The following TIAM1 variants were observed in gnomAD, a reference collection of about 807,000 sequenced individuals.
The protein encoded by TIAM1 is rho guanine nucleotide exchange factor TIAM1.
A neutral mutation model predicts 163.5 loss-of-function variants in TIAM1; 65 were observed. That is an observed-to-expected ratio of 0.40 (90% CI 0.33 to 0.49). The LOEUF (loss-of-function observed/expected upper bound fraction) is 0.49. Ranked by LOEUF, TIAM1 falls within the 20% of genes least tolerant of loss-of-function variation. TIAM1 has a pLI of 0.77. For missense variants in TIAM1, 1,789 were observed against 2,044.7 expected, an observed-to-expected ratio of 0.87 and a Z score of 2.41; for synonymous variants, 833 against 810.1, an observed-to-expected ratio of 1.03 and a Z score of -0.48.
chr21:31,219,753 A>ACG (rs199947012), intron 8 of TIAM1, among the ~76,000 whole-genome samples: 1 of 152,002 alleles, frequency 6.6e-6, no homozygotes, highest in African/African-American at 2.4e-5. Flanking sequence ...ACAAAACAAA[A>ACG]AAAAACCCCA....
At chr21:31,199,922 A>G (rs992498225) in intron 12 of TIAM1, among the ~76,000 whole-genome samples, 1 of 150,378 alleles carries the variant, frequency 6.6e-6, no homozygotes, top group Non-Finnish European at 1.5e-5. Flanking sequence ...AAAAAAAAAA[A>G]AAACACACAA....
At chr21:31,224,016 G>C (rs1172883254) in intron 7 of TIAM1, among the ~76,000 whole-genome samples, 1 of 152,208 alleles carries the variant, frequency 6.6e-6, no homozygotes, top group African/African-American at 2.4e-5. Context: ...TGGGAAGAGC[G>C]GGGTAGCCCG....
chr21:31,557,248 AGC>A (rs1569432641), intron 1 of TIAM1, among the ~76,000 whole-genome samples: 1 of 152,254 alleles, frequency 6.6e-6, no homozygotes, highest in Non-Finnish European at 1.5e-5. Context: ...AGCTGAGAAC[AGC>A]AGTCCTTCAT....
chr21:31,156,461 T>C (rs1158728919), intron 16 of TIAM1, among the ~76,000 whole-genome samples: 1 of 152,222 alleles, frequency 6.6e-6, no homozygotes, highest in East Asian at 1.9e-4. Context: ...ATGTAAATTA[T>C]ATCTCAACAA....
intron 11 of TIAM1, among the ~76,000 whole-genome samples, chr21:31,204,802 T>G (rs2146531719): frequency 6.6e-6 from 1 of 152,284 alleles, no homozygotes; most frequent in South Asian, 2.1e-4. Context: ...TTCCAGAAAG[T>G]GGAAATGAGT....
At chr21:31,140,035 A>G (rs2082775330) in intron 22 of TIAM1, among the ~76,000 whole-genome samples, 5 of 152,218 alleles carry the variant, frequency 3.3e-5, no homozygotes, top group Admixed American at 3.3e-4. Flanking sequence ...AACCTTTACA[A>G]CACCTGCCTG....
intron 6 of TIAM1, among the ~76,000 whole-genome samples, chr21:31,242,721 A>G (rs560640899): frequency 6.6e-6 from 1 of 152,154 alleles, no homozygotes; most frequent in East Asian, 1.9e-4. Context: ...AAACAACAAT[A>G]AAGTGGGTTG....
chr21:31,435,119 T>G (rs948746804), intron 2 of TIAM1, among the ~76,000 whole-genome samples: 2 of 152,122 alleles, frequency 1.3e-5, no homozygotes, highest in African/African-American at 4.8e-5. Context: ...TCGGGGCCAC[T>G]GGCCACACCA....
intron 3 of TIAM1, among the ~76,000 whole-genome samples, chr21:31,274,259 AG>A (rs1315816259): frequency 6.6e-6 from 1 of 152,174 alleles, no homozygotes; most frequent in Non-Finnish European, 1.5e-5. Flanking sequence ...CACATAAAAA[AG>A]AAAGGTCAAC....
At position 31,510,413 on chromosome 21, in the gene TIAM1, G is replaced by C. The variant is rs541121676; in HGVS notation, c.-421-46378C>G. ...TCATTTGCACTTCATCATCTCTTTA[G>C]AAGTCCTGTCTCCAAATACAATCAC... On this transcript the variant is annotated intron_variant, in intron 1 of 28. Transcript: ENST00000286827. Among the ~76,000 whole-genome samples, 275 of 152,306 alleles carry C rather than the reference G, an allele frequency of 1.8e-3. 3 individuals carry two copies. The highest frequency in any genetic ancestry group is 0.014 in the Middle Eastern group (4 of 294).
At chr21:31,301,778 T>C (rs12483592) in intron 2 of TIAM1, among the ~76,000 whole-genome samples, 49,460 of 151,524 alleles carry the variant, frequency 0.33, 8,451 homozygotes, top group Middle Eastern at 0.55. Flanking sequence ...AGGCAGAGGT[T>C]GCAGTGAGCT....
At chr21:31,186,015 T>C (rs960072469) in intron 14 of TIAM1, among the ~76,000 whole-genome samples, 1 of 152,228 alleles carries the variant, frequency 6.6e-6, no homozygotes, top group Non-Finnish European at 1.5e-5. Context: ...TAAATTTCTG[T>C]TATTTTAAGC....
Position 31,251,541 on chromosome 21 carries a change from A to T in TIAM1, c.1411+201T>A, listed in dbSNP as rs78088019. On this transcript the variant is annotated intron_variant, in intron 5 of 27. Transcript: ENST00000541036. ...TACAACATTGCACTTGTAGTCGATA[A>T]TGCCATATTGCACATTTTAAAATGT... 2.6e-3 allele frequency among the ~76,000 whole-genome samples: 393 copies of T among 152,300 alleles called. 2 individuals are homozygous for T. The highest frequency in any genetic ancestry group is 9.1e-3 in the African/African-American group (377 of 41,562).
At chr21:31,135,890 G>T in intron 23 of TIAM1, 43 bp downstream of exon 23, 1 of 1,548,320 alleles carries the variant, frequency 6.5e-7, no homozygotes, top group Non-Finnish European at 8.9e-7. Context: ...TGAAAACTAA[G>T]CTAGACTTTT....
chr21:31,504,708 G>GT (rs1332530926), intron 1 of TIAM1, among the ~76,000 whole-genome samples: 2 of 152,178 alleles, frequency 1.3e-5, no homozygotes, highest in South Asian at 2.1e-4. Context: ...ACTCAGTTTG[G>GT]TTTTTTCTAC....
rs148811678 is a variant in TIAM1 at position 31,243,780 on chromosome 21, A to G, written c.1584+1708T>C. ...AGCAAGGGAGCCTCATAGGATAAACAGCTGATTTTTCATCAAACACCATGA... is the reference window on the plus strand; with the variant it reads ...AGCAAGGGAGCCTCATAGGATAAACGGCTGATTTTTCATCAAACACCATGA... On this transcript the variant is annotated intron_variant, in intron 6 of 27. Coordinates refer to ENST00000541036, the MANE Select transcript of TIAM1 (RefSeq NM_001353694.2). 8.4e-3 allele frequency among the ~76,000 whole-genome samples: 1,287 copies of G among 152,358 alleles called. 21 individuals carry two copies. The highest frequency in any genetic ancestry group is 0.029 in the African/African-American group (1,206 of 41,574).
At chr21:31,146,782 C>T in intron 20 of TIAM1, 113 bp downstream of exon 20, 1 of 746,150 alleles carries the variant, frequency 1.3e-6, no homozygotes, top group Non-Finnish European at 2.3e-6. Flanking sequence ...CTTGCTGGAA[C>T]ATCTATCTGG....
chr21:31,195,035 A>G lies in TIAM1; in HGVS notation c.2575+189T>C, dbSNP rs111334199. 3.3e-3 allele frequency among the ~76,000 whole-genome samples: 510 copies of G among 152,346 alleles called. 2 individuals carry two copies. The highest frequency in any genetic ancestry group is 0.011 in the African/African-American group (468 of 41,576). ...AATTAAAGTTATGAAATTTAACACC[A>G]AAGTCTACATCGTACCCAGAGTAAA... On this transcript the variant is annotated intron_variant, in intron 13 of 27. Transcript: ENST00000541036.
chr21:31,195,834 CA>C (rs1331556452), intron 12 of TIAM1, among the ~76,000 whole-genome samples: 1 of 151,984 alleles, frequency 6.6e-6, no homozygotes, highest in Non-Finnish European at 1.5e-5. Context: ...CTGAAGTACA[CA>C]AATTAATCAG....
Sources: allele counts gnomAD v4.1 joint callset (sites outside exome capture counted in the v4.1 genomes callset), GRCh38; gene constraint gnomAD v4.1.1; transcripts MANE v1.5; gene names NCBI Gene and HGNC (gene_info 2026-07-23, HGNC 2026-07-21).